The following DNHD1 variants were observed in gnomAD, a reference collection of about 807,000 sequenced individuals.
DNHD1 encodes dynein heavy chain domain 1.
Under a neutral mutation model 458.1 loss-of-function variants are expected in DNHD1, and 383 were observed. That is an observed-to-expected ratio of 0.84 (90% CI 0.77 to 0.91). The LOEUF (loss-of-function observed/expected upper bound fraction) is 0.91, where lower values mean the gene tolerates loss of function less well. Among genes scored for constraint, DNHD1 ranks in the 40% least tolerant of loss-of-function variants. The probability of loss-of-function intolerance (pLI) is 0.00; values close to 1 mark genes in which losing one functional copy is unlikely to be tolerated. For missense variants in DNHD1, 5,336 were observed against 5,866.1 expected (o/e 0.91, Z 2.95); for synonymous variants, 2,203 against 2,376.9 (o/e 0.93, Z 2.13).
rs112527380 is a variant in DNHD1 at position 6,514,005 on chromosome 11, G to A, written c.1392+2576G>A. On this transcript the variant is annotated intron_variant, in intron 7 of 42. Coordinates refer to ENST00000254579, the MANE Select transcript of DNHD1 (RefSeq NM_144666.3). ...ACTACAGGCACCTGCCACCACGCCC[G>A]ACTAATTTTTTTTTGTATTTTTAGT... Among the ~76,000 whole-genome samples the A allele has an allele frequency of 4.9e-3, 750 of 151,946 alleles. 9 individuals carry two copies. The highest frequency in any genetic ancestry group is 0.018 in the African/African-American group (726 of 41,408).
rs1853686872 is a variant in DNHD1, at chr11:6,566,003, T to A, written c.11053+12T>A. 1 of 1,509,098 alleles carries A rather than the reference T, an allele frequency of 6.6e-7. No individual in the cohort carries two copies. The highest frequency in any genetic ancestry group is 1.4e-5 in the African/African-American group (1 of 71,484). The allele number at this position is 1,509,098 out of a possible 1,614,324, so 93.5% of individuals were successfully genotyped here. ...GGCAGCTGCTTGTGGTGAGAGCTGG[T>A]CCCCACCCACCCTGGCCCCTTTTTG... On this transcript the variant is annotated intron_variant, in intron 33 of 42. Coordinates refer to ENST00000254579, the MANE Select transcript of DNHD1 (RefSeq NM_144666.3).
chr11:6,570,105 G>C lies in DNHD1; in HGVS notation c.12955+5G>C, dbSNP rs781044660. ...CTGCCATGCAAGAGCTGGCTGGTGAGACCCTTCCTCTCCCCCTTGGAGTCA... is the reference window on the plus strand; with the variant it reads ...CTGCCATGCAAGAGCTGGCTGGTGACACCCTTCCTCTCCCCCTTGGAGTCA... On this transcript the variant is annotated splice_donor_5th_base_variant and intron_variant, in intron 40 of 42. Transcript: ENST00000254579. 3 of 1,613,914 alleles carry C rather than the reference G, an allele frequency of 1.9e-6. No homozygotes were observed. Among genetic ancestry groups the C allele is most frequent in the Non-Finnish European group, 8.5e-7 (1 of 1,179,852 alleles).
intron 3 of DNHD1, among the ~76,000 whole-genome samples, chr11:6,499,929 C>T (rs776370164): frequency 2.0e-5 from 3 of 150,434 alleles, no homozygotes; most frequent in Non-Finnish European, 4.4e-5. Context: ...AGAATGCTTA[C>T]AGAGACCTTC....
Position 6,547,334 on chromosome 11 carries a change from C to A in DNHD1, c.6395C>A (p.Thr2132Lys). 1 of 1,551,826 alleles carries A rather than the reference C, an allele frequency of 6.4e-7. No homozygotes were observed. Among genetic ancestry groups the A allele is most frequent in the Non-Finnish European group, 8.7e-7 (1 of 1,147,016 alleles). ...TFLLMEVADT[T>K]GISPTVVGCC... ...CTCTTGATGGAGGTGGCTGACACAA[C>A]AGGCATATCCCCCACAGTGGTAGGC... The change falls in exon 21 of 43, where the codon ACA becomes AAA. Residue 2132 changes from threonine (T) to lysine (K), a missense_variant. Coordinates refer to ENST00000254579, the MANE Select transcript of DNHD1 (RefSeq NM_144666.3).
chr11:6,568,560 T>C lies in DNHD1; in HGVS notation c.12645T>C (p.Ser4215=). 6.2e-7 allele frequency: 1 copy of C among 1,614,052 alleles called. No individual in the cohort carries two copies. Among genetic ancestry groups the C allele is most frequent in the East Asian group, 2.2e-5 (1 of 44,882 alleles). Residue 4215 remains serine, a synonymous_variant, in exon 38 of 43, where the codon TCT becomes TCC. Coordinates refer to ENST00000254579, the MANE Select transcript of DNHD1 (RefSeq NM_144666.3). The part of the protein sequence containing the change: ...FRLWLIVPAE[S]SASLPAVLTQ... Reference sequence around the variant, plus strand: ...TTTGGCTTATTGTGCCTGCAGAGTCTAGTGCTTCTTTGCCAGGTGAGGAGC... The same window carrying C: ...TTTGGCTTATTGTGCCTGCAGAGTCCAGTGCTTCTTTGCCAGGTGAGGAGC...
chr11:6,566,368 C>G lies in DNHD1; in HGVS notation c.11181C>G (p.Thr3727=), dbSNP rs970162094. The change falls in exon 34 of 43, where the codon ACC becomes ACG. Residue 3727 remains threonine (T), a synonymous_variant. Transcript: ENST00000254579. ...GCTTCTGTCTGTATCTCAGCACCAC[C>G]CTCTCCCTCTGTGCCATGGAAAAAG... ...QPGFCLYLST[T]LSLCAMEKVL... 2 of 1,557,872 alleles carry G rather than the reference C, an allele frequency of 1.3e-6. No individual in the cohort carries two copies. The highest frequency in any genetic ancestry group is 2.7e-5 in the African/African-American group (2 of 73,210).
In DNHD1 at chr11:6,498,247, C is replaced by T. The variant is rs1355839886; in HGVS notation, c.32C>T (p.Ser11Phe). ...CCGGAGGAGAGGAGGGTAGGTTTGT[C>T]TTCTGATGAGACATCATCTGATTCC... MVPEERRVGLSSDETSSDSLK... is the reference protein window; with the variant it reads MVPEERRVGLFSDETSSDSLK... Residue 11 changes from serine (S) to phenylalanine (F), a missense_variant, in exon 3 of 43, where the codon TCT becomes TTT. Around this residue, in one of 4 missense-constraint regions of DNHD1, gnomAD observed 3,932 missense variants for 4,365.6 expected, o/e 0.90. Coordinates refer to ENST00000254579, the MANE Select transcript of DNHD1 (RefSeq NM_144666.3). 1 of 1,613,994 alleles carries T rather than the reference C, an allele frequency of 6.2e-7. No homozygotes were observed.
At chr11:6,538,554 C>T (rs1306213078) in intron 15 of DNHD1, 44 bp downstream of exon 15, 50 of 1,551,384 alleles carry the variant, frequency 3.2e-5, no homozygotes, top group Non-Finnish European at 1.7e-6. Context: ...GAGTGGAGGA[C>T]TACAGTGGTG....
At chr11:6,519,529 T>G in intron 7 of DNHD1, 71 bp from the exon 8 acceptor site, 1 of 1,566,332 alleles carries the variant, frequency 6.4e-7, no homozygotes. Context: ...CCTGAGAGTT[T>G]GCACAGACTA....
At chr11:6,513,323 T>C (rs1346533015) in intron 7 of DNHD1, among the ~76,000 whole-genome samples, 10 of 152,218 alleles carry the variant, frequency 6.6e-5, no homozygotes, top group Admixed American at 5.9e-4. Context: ...TGGATCACGA[T>C]AGAGAACATT....
chr11:6,536,518 A>G (rs143329832), intron 14 of DNHD1, among the ~76,000 whole-genome samples: 3 of 152,224 alleles, frequency 2.0e-5, no homozygotes, highest in African/African-American at 7.2e-5. Context: ...CCATGCACAG[A>G]GCATGTGAAT....
intron 25 of DNHD1, 86 bp downstream of exon 25, chr11:6,558,383 T>C: frequency 6.5e-7 from 1 of 1,533,338 alleles, no homozygotes; most frequent in South Asian, 1.2e-5. Context: ...TGGGCTGCCA[T>C]GAGGGCTGAG....
intron 24 of DNHD1, 145 bp from the exon 25 acceptor site, chr11:6,556,538 A>C: frequency 2.8e-6 from 2 of 716,164 alleles, no homozygotes; most frequent in Non-Finnish European, 4.4e-6. Flanking sequence ...GGGAGGGAGA[A>C]TAGCTTACTC....
Position 6,546,889 on chromosome 11 carries a change from C to T in DNHD1, c.5950C>T (p.Arg1984Trp), listed in dbSNP as rs1206732889. 1.7e-5 allele frequency: 26 copies of T among 1,551,624 alleles called. No homozygotes were observed. The highest frequency in any genetic ancestry group is 4.8e-5 in the South Asian group (4 of 84,064). The change falls in exon 21 of 43, where the codon CGG (arginine) becomes TGG (tryptophan). Residue 1984 changes from arginine to tryptophan, a missense_variant. Around this residue, in one of 4 missense-constraint regions of DNHD1, gnomAD observed 3,932 missense variants for 4,365.6 expected, o/e 0.90. Coordinates refer to ENST00000254579, the MANE Select transcript of DNHD1 (RefSeq NM_144666.3). ...SLEQLSQALS[R>W]ASGILLLGPA... ...GGAACAGTTGAGCCAGGCCCTGAGC[C>T]GGGCCTCAGGCATTCTGCTCCTGGG...
Position 6,498,395 on chromosome 11 carries a change from C to T in DNHD1, c.180C>T (p.Leu60=), listed in dbSNP as rs367954626. The change falls in exon 3 of 43, where the codon CTC becomes CTT. Residue 60 remains leucine (L), a synonymous_variant. Coordinates refer to ENST00000254579, the MANE Select transcript of DNHD1 (RefSeq NM_144666.3). ...CAGAGCAGCCCACAGTGCTGGAACTCCTGCTAGCTGAGCTCCGAACTCTGT... is the reference window on the plus strand; with the variant it reads ...CAGAGCAGCCCACAGTGCTGGAACTTCTGCTAGCTGAGCTCCGAACTCTGT... ...TESEQPTVLE[L]LLAELRTLFS... The T allele has an allele frequency of 2.0e-5, 33 of 1,614,106 alleles. No homozygotes were observed. The African/African-American group carries it at 4.0e-4, about 20-fold the overall frequency.
chr11:6,508,437 A>G (rs917099108), intron 4 of DNHD1: 4 of 156,730 alleles, frequency 2.6e-5, no homozygotes, highest in Non-Finnish European at 2.8e-5. Context: ...TCAGTACCCA[A>G]GTATATGTGT....
At position 6,545,251 on chromosome 11, in the gene DNHD1, C is replaced by T; in HGVS notation, c.4312C>T (p.Leu1438Phe). The change falls in exon 21 of 43, where the codon CTT becomes TTT. Residue 1438 changes from leucine (L) to phenylalanine (F), a missense_variant. Around this residue, in one of 4 missense-constraint regions of DNHD1, gnomAD observed 3,932 missense variants for 4,365.6 expected, o/e 0.90. Coordinates refer to ENST00000254579, the MANE Select transcript of DNHD1 (RefSeq NM_144666.3). This position sits in a 1 kb window ranked among gnomAD's most constrained non-coding sequence, Gnocchi z 4.9. Reference sequence around the variant, plus strand: ...GGAGGAGGTGAAGCTGCAGGGTCCCCTTCCTCTGCATCCAGATCTCCCTAA... The same window carrying T: ...GGAGGAGGTGAAGCTGCAGGGTCCCTTTCCTCTGCATCCAGATCTCCCTAA... Reference protein sequence around the residue: ...GGEEVKLQGPLPLHPDLPKWL... With the variant: ...GGEEVKLQGPFPLHPDLPKWL... The T allele has an allele frequency of 6.4e-7, 1 of 1,551,740 alleles. No individual in the cohort carries two copies. Among genetic ancestry groups the T allele is most frequent in the Non-Finnish European group, 8.7e-7 (1 of 1,147,002 alleles).
At chr11:6,529,434 G>A (rs1852781814) in intron 12 of DNHD1, among the ~76,000 whole-genome samples, 1 of 152,170 alleles carries the variant, frequency 6.6e-6, no homozygotes, top group Admixed American at 6.5e-5. Context: ...CTCTCTGCAT[G>A]TAGCTGAGTG....
At chr11:6,569,306 A>G (rs1468228699) in intron 39 of DNHD1, among the ~76,000 whole-genome samples, 3 of 152,146 alleles carry the variant, frequency 2.0e-5, no homozygotes, top group Non-Finnish European at 4.4e-5. Flanking sequence ...ACACAGTGAA[A>G]CCCCATCTGT....
Sources: allele counts gnomAD v4.1 joint callset (sites outside exome capture counted in the v4.1 genomes callset), GRCh38; gene constraint gnomAD v4.1.1; regional missense constraint gnomAD v4.1.1; non-coding constraint Gnocchi (gnomAD v3.1); transcripts MANE v1.5; gene names NCBI Gene and HGNC (gene_info 2026-07-23, HGNC 2026-07-21).